VMA22: variants seen among roughly 807,000 people sequenced by gnomAD.
VMA22 encodes the protein vacuolar ATPase assembly protein VMA22.
the VMA22 span, chr2:130,341,053 G>A: frequency 6.3e-7 from 1 of 1,585,756 alleles, no homozygotes; most frequent in Non-Finnish European, 8.6e-7. Flanking sequence ...AGGAAAGAAA[G>A]GTTGGAGGAG....
At chr2:130,339,334 G>GC in the VMA22 span, 3 of 1,344,266 alleles carry the variant, frequency 2.2e-6, no homozygotes, top group Non-Finnish European at 3.1e-6. Flanking sequence ...AGGCCTCTCT[G>GC]CCCCCCACAC....
chr2:130,341,801 G>GGGGGGGGGCCCC, the VMA22 span: 1 of 1,378,136 alleles, frequency 7.3e-7, no homozygotes. Context: ...CCTAGAACGC[G>GGGGGGGGGCCCC]CCCGCCCGCC....
chr2:130,341,737 CT>C, the VMA22 span: 3 of 1,611,514 alleles, frequency 1.9e-6, no homozygotes, highest in East Asian at 6.7e-5. Context: ...TCTGGAGTCC[CT>C]CCTGGGCCTC....
chr2:130,342,121 G>T, the VMA22 span: 1 of 1,613,482 alleles, frequency 6.2e-7, no homozygotes, highest in Non-Finnish European at 8.5e-7. Context: ...GTCAAGCGCC[G>T]CCATGGACAC....
the VMA22 span, chr2:130,341,111 G>C: frequency 6.8e-7 from 1 of 1,465,750 alleles, no homozygotes; most frequent in Admixed American, 2.6e-5. Context: ...ACAATGTTGA[G>C]CTTGATCTGA....
chr2:130,339,121 C>A, the VMA22 span: 3 of 1,612,470 alleles, frequency 1.9e-6, no homozygotes, highest in Non-Finnish European at 2.5e-6. Flanking sequence ...GCGCGCATGT[C>A]AGGCAGCCCC....
At chr2:130,342,462 C>T in the VMA22 span, 3 of 533,410 alleles carry the variant, frequency 5.6e-6, no homozygotes, top group African/African-American at 3.8e-5. Context: ...AGGCGAAGCT[C>T]TACAGAAACC....
At chr2:130,339,937 A>C in the VMA22 span, 2 of 812,312 alleles carry the variant, frequency 2.5e-6, no homozygotes, top group South Asian at 1.8e-5. Context: ...GGACTCCCAA[A>C]TCTCTCTCCA....
the VMA22 span, chr2:130,341,709 C>A: frequency 6.2e-7 from 1 of 1,611,748 alleles, no homozygotes; most frequent in Non-Finnish European, 8.5e-7. Context: ...TGGACACCAG[C>A]TCTCACCACC....
the VMA22 span, chr2:130,341,798 C>CGCGGGGGCG: frequency 7.0e-7 from 1 of 1,426,586 alleles, no homozygotes; most frequent in Non-Finnish European, 9.6e-7. Flanking sequence ...GGGCCTAGAA[C>CGCGGGGGCG]GCGCCCGCCC....
At chr2:130,341,801 G>GT in the VMA22 span, 4 of 1,378,138 alleles carry the variant, frequency 2.9e-6, no homozygotes, top group South Asian at 3.9e-5. Context: ...CCTAGAACGC[G>GT]CCCGCCCGCC....
chr2:130,342,559 G>A, the VMA22 span: 1 of 462,232 alleles, frequency 2.2e-6, no homozygotes, highest in East Asian at 3.4e-5. Flanking sequence ...TTTTACAGTT[G>A]AACTGTTTCC....
At chr2:130,338,047 G>A in the VMA22 span, among the ~76,000 whole-genome samples, 8 of 152,208 alleles carry the variant, frequency 5.3e-5, no homozygotes, top group African/African-American at 1.9e-4. Flanking sequence ...AGCATTAACC[G>A]ACATACAGCA....
the VMA22 span, chr2:130,342,015 C>A: frequency 6.2e-7 from 1 of 1,613,952 alleles, no homozygotes. Context: ...AGGCGCCTAC[C>A]TCCTCCACCC....
chr2:130,339,053 A>T, the VMA22 span: 1 of 1,194,744 alleles, frequency 8.4e-7, no homozygotes, highest in Non-Finnish European at 1.2e-6. Context: ...TGAAGGAAGA[A>T]GGCCTGAGAT....
chr2:130,342,486 G>A, the VMA22 span: 2 of 507,364 alleles, frequency 3.9e-6, no homozygotes, highest in Non-Finnish European at 7.0e-6. Context: ...TTGGTTGAGG[G>A]AAGAGTGGTT....
chr2:130,342,680 C>G, the VMA22 span: 2 of 535,944 alleles, frequency 3.7e-6, no homozygotes, highest in Non-Finnish European at 6.7e-6. Context: ...TATTTATTAG[C>G]TGCGGTCCTA....
the VMA22 span, chr2:130,342,144 G>A: frequency 1.9e-6 from 3 of 1,612,594 alleles, no homozygotes; most frequent in Non-Finnish European, 2.5e-6. Flanking sequence ...CTCCAGATCT[G>A]GAGCCACCTT....
At chr2:130,341,119 T>C in the VMA22 span, 1 of 1,425,906 alleles carries the variant, frequency 7.0e-7, no homozygotes, top group Non-Finnish European at 9.3e-7. Context: ...GAGCTTGATC[T>C]GAGCTCATGA....
Sources: gnomAD v4.1 joint callset for allele counts (sites outside exome capture counted in the v4.1 genomes callset) on GRCh38, gnomAD v4.1.1 for gene constraint, MANE v1.5 for transcripts, NCBI Gene and HGNC (gene_info 2026-07-23, HGNC 2026-07-21) for gene names.